The following SOX6 variants were observed in gnomAD, a reference collection of about 807,000 sequenced individuals.
The protein encoded by SOX6 is transcription factor SOX-6.
In SOX6, 11 loss-of-function variants were observed where a neutral mutation model predicts 97.8. The ratio of observed to expected loss-of-function variants is 0.11; its 90% confidence interval spans 0.07 to 0.19. The LOEUF (loss-of-function observed/expected upper bound fraction) is 0.19, where lower values mean the gene tolerates loss of function less well. Among genes scored for constraint, SOX6 ranks in the 10% least tolerant of loss-of-function variants. SOX6 has a pLI of 1.00. For synonymous variants in SOX6, 360 were observed against 371.4 expected (o/e 0.97, Z 0.35); for missense variants, 810 against 1,039.5 (o/e 0.78, Z 3.04).
At chr11:16,253,339 A>C (rs927268374) in intron 3 of SOX6, among the ~76,000 whole-genome samples, 46 of 133,232 alleles carry the variant, frequency 3.5e-4, no homozygotes, top group African/African-American at 1.2e-3. Context: ...ACAAGAGCAA[A>C]ATTCCGTGTC....
chr11:16,404,855 A>C (rs1174958097), intron 1 of SOX6, among the ~76,000 whole-genome samples: 1 of 152,132 alleles, frequency 6.6e-6, no homozygotes, highest in South Asian at 2.1e-4. Flanking sequence ...ACTCTGTGGC[A>C]TCTAGAATTA....
rs1190340773 is a variant in SOX6, at chr11:16,300,094, T to C, written c.445+18352A>G. Among the ~76,000 whole-genome samples the C allele has an allele frequency of 6.6e-6, 1 of 152,150 alleles. No individual in the cohort carries two copies. Among genetic ancestry groups the C allele is most frequent in the Non-Finnish European group, 1.5e-5 (1 of 68,022 alleles). On this transcript the variant is annotated intron_variant, in intron 3 of 15. Coordinates refer to ENST00000683767, the MANE Select transcript of SOX6 (RefSeq NM_001367873.1). This position sits in a 1 kb window ranked among gnomAD's most constrained non-coding sequence, Gnocchi z 4.1. ...ACATCTTCTAATTTCAGACAAAACA[T>C]GGAGGTGAGGGCGGCTGCTCACTGT...
chr11:16,132,505 A>AAAGAAAGAAAGAAAGAAAGAAAGC (rs1451899878), intron 6 of SOX6, among the ~76,000 whole-genome samples: 10 of 86,134 alleles, frequency 1.2e-4, no homozygotes, highest in East Asian at 3.4e-4. Flanking sequence ...AGAAAGAAAG[A>AAAGAAAGAAAGAAAGAAAGAAAGC]AAGCTTATCT....
chr11:15,985,441 T>A (rs1853802714), intron 15 of SOX6, among the ~76,000 whole-genome samples: 1 of 152,128 alleles, frequency 6.6e-6, no homozygotes, highest in Admixed American at 6.6e-5. Flanking sequence ...CAAATGGCCC[T>A]CTGGATTTGC....
At chr11:16,271,677 T>C (rs1196384092) in intron 3 of SOX6, among the ~76,000 whole-genome samples, 1 of 151,544 alleles carries the variant, frequency 6.6e-6, no homozygotes, top group African/African-American at 2.4e-5. Context: ...CTTTTGATTT[T>C]TATATTTTTC....
chr11:16,147,282 C>T (rs1303618553), intron 6 of SOX6, among the ~76,000 whole-genome samples: 1 of 151,994 alleles, frequency 6.6e-6, no homozygotes, highest in East Asian at 1.9e-4. Context: ...TGTTCTCACT[C>T]ATAGGTGGGA....
intron 3 of SOX6, among the ~76,000 whole-genome samples, chr11:16,668,972 T>G: frequency 6.6e-6 from 1 of 152,238 alleles, no homozygotes; most frequent in East Asian, 1.9e-4. Context: ...CTTTCAGCAC[T>G]GAACAAATTA....
intron 3 of SOX6, among the ~76,000 whole-genome samples, chr11:16,694,416 A>T (rs1212848164): frequency 6.6e-6 from 1 of 152,080 alleles, no homozygotes; most frequent in Non-Finnish European, 1.5e-5. Context: ...CCAGCTATTC[A>T]GGAGGCTAAG....
At chr11:15,999,281 G>A (rs1854327959) in intron 13 of SOX6, among the ~76,000 whole-genome samples, 1 of 152,090 alleles carries the variant, frequency 6.6e-6, no homozygotes, top group African/African-American at 2.4e-5. Flanking sequence ...CTAATATACT[G>A]GTAGTGAAAG....
At chr11:16,378,381 CA>C (rs1195834923) in intron 1 of SOX6, among the ~76,000 whole-genome samples, 12 of 152,078 alleles carry the variant, frequency 7.9e-5, no homozygotes, top group African/African-American at 2.9e-4. Flanking sequence ...TGTGGAAAAA[CA>C]AATACTCAAG....
At chr11:16,567,717 C>CCACCACG (rs1389340368) in intron 4 of SOX6, among the ~76,000 whole-genome samples, 1 of 148,304 alleles carries the variant, frequency 6.7e-6, no homozygotes, top group East Asian at 2.0e-4. Context: ...CAGGTGCATG[C>CCACCACG]CACCACGCCT....
chr11:16,409,380 C>T (rs1401101416), intron 1 of SOX6, among the ~76,000 whole-genome samples: 1 of 151,774 alleles, frequency 6.6e-6, no homozygotes, highest in Non-Finnish European at 1.5e-5. Context: ...TATTTTTCCT[C>T]CCAGTTAACA....
At chr11:16,361,331 T>C (rs566831663), upstream of SOX6, among the ~76,000 whole-genome samples, 20 of 152,208 alleles carry the variant, frequency 1.3e-4, no homozygotes, top group African/African-American at 4.8e-4. Context: ...TAGACATTGT[T>C]CCAAGATTAA....
intron 9 of SOX6, among the ~76,000 whole-genome samples, chr11:16,063,770 T>A (rs917599268): frequency 6.6e-6 from 1 of 150,720 alleles, no homozygotes; most frequent in Non-Finnish European, 1.5e-5. Context: ...ATATTTTACA[T>A]TTATTATTTC....
intron 2 of SOX6, among the ~76,000 whole-genome samples, chr11:16,320,834 C>G (rs1317258028): frequency 2.0e-5 from 3 of 151,806 alleles, no homozygotes; most frequent in Non-Finnish European, 2.9e-5. Flanking sequence ...TTCTGCATAC[C>G]CATTGCTAGT....
At chr11:16,537,477 G>A (rs904145005) in intron 4 of SOX6, among the ~76,000 whole-genome samples, 1 of 152,166 alleles carries the variant, frequency 6.6e-6, no homozygotes, top group African/African-American at 2.4e-5. Flanking sequence ...GAATGAGTTT[G>A]AAGAGTTGAC....
intron 6 of SOX6, among the ~76,000 whole-genome samples, chr11:16,162,116 T>C (rs79000700): frequency 6.6e-6 from 1 of 152,182 alleles, no homozygotes; most frequent in Non-Finnish European, 1.5e-5. Flanking sequence ...AGCAACTTCA[T>C]CAAACTAGAA....
chr11:16,651,281 A>G (rs1277985298), intron 3 of SOX6, among the ~76,000 whole-genome samples: 19 of 152,134 alleles, frequency 1.2e-4, no homozygotes, highest in Admixed American at 6.6e-4. Context: ...CTATGAAGCC[A>G]TTATCACCCT....
chr11:16,392,079 A>T (rs1858202091), intron 1 of SOX6, among the ~76,000 whole-genome samples: 2 of 152,144 alleles, frequency 1.3e-5, no homozygotes, highest in African/African-American at 2.4e-5. Context: ...ATTTTAAATG[A>T]AAAAAGCATG....
Sources: gnomAD v4.1 joint callset for allele counts (sites outside exome capture counted in the v4.1 genomes callset) on GRCh38, gnomAD v4.1.1 for gene constraint, Gnocchi (gnomAD v3.1) non-coding constraint, MANE v1.5 for transcripts, NCBI Gene and HGNC (gene_info 2026-07-23, HGNC 2026-07-21) for gene names.